The following SDC4 variants were observed in gnomAD, a reference collection of about 807,000 sequenced individuals.
SDC4 encodes syndecan 4.
Under a neutral mutation model 20.5 loss-of-function variants are expected in SDC4, and 17 were observed. The observed-to-expected ratio is 0.83, with a 90% CI of 0.57 to 1.25. SDC4 has a LOEUF of 1.25. SDC4 is among the 50% of genes most tolerant of loss of function. SDC4 has a pLI of 0.00. For synonymous variants in SDC4, 107 were observed against 105.3 expected (o/e 1.02, Z -0.10); for missense variants, 241 against 252.3 (o/e 0.96, Z 0.30).
In SDC4 at chr20:45,330,500, T is replaced by C. The variant is rs753918303; in HGVS notation, c.311A>G (p.Lys104Arg). Residue 104 changes from lysine (K) to arginine (R), a missense_variant, in exon 4 of 5, where the codon AAG becomes AGG. Coordinates refer to ENST00000372733, the MANE Select transcript of SDC4 (RefSeq NM_002999.4). The stretch of plus-strand genomic sequence containing the variant: ...GATAACCTCATTCTCCTCTAGTTTC[T>C]TGGGTTCGGTGGGGACTTGGCTCCC... ...GSGSQVPTEP[K>R]KLEENEVIPK... 1.5e-5 allele frequency: 25 copies of C among 1,614,086 alleles called. No homozygotes were observed. Among genetic ancestry groups the C allele is most frequent in the Non-Finnish European group, 2.0e-5 (24 of 1,180,044 alleles).
intron 1 of SDC4, among the ~76,000 whole-genome samples, chr20:45,347,787 C>G (rs1309426171): frequency 1.3e-5 from 2 of 152,096 alleles, no homozygotes; most frequent in Non-Finnish European, 2.9e-5. Flanking sequence ...GGACTTTGCC[C>G]TAAGTCACAA....
At chr20:45,338,373 C>CA (rs11480053) in intron 1 of SDC4, among the ~76,000 whole-genome samples, 13,216 of 152,126 alleles carry the variant, frequency 0.087, 1,926 homozygotes, top group African/African-American at 0.3. Context: ...GTAGGGGGGT[C>CA]AATCTAGCCG....
At chr20:45,336,585 A>G (rs1469295372) in intron 1 of SDC4, among the ~76,000 whole-genome samples, 1 of 152,110 alleles carries the variant, frequency 6.6e-6, no homozygotes, top group Non-Finnish European at 1.5e-5. Context: ...CAGCTGGCAG[A>G]TGGAAGAGCG....
intron 4 of SDC4, among the ~76,000 whole-genome samples, chr20:45,328,823 C>G (rs1481340111): frequency 2.6e-5 from 4 of 152,094 alleles, no homozygotes; most frequent in Admixed American, 2.6e-4. Flanking sequence ...GAAAAAGCAA[C>G]AAAAAAGTAC....
intron 1 of SDC4, among the ~76,000 whole-genome samples, chr20:45,342,769 T>TG (rs1987973153): frequency 1.3e-5 from 2 of 152,162 alleles, no homozygotes; most frequent in South Asian, 4.1e-4. Context: ...AGTGACCTTT[T>TG]GGGGAGTACT....
rs763072477 is a variant in SDC4, at chr20:45,333,084, T to A, written c.200-15A>T. On this transcript the variant is annotated splice_polypyrimidine_tract_variant and intron_variant, in intron 2 of 4. Transcript: ENST00000372733. ...TTCCAAGTCATCTGTAAGGTCAGAA[T>A]AGCTGTGTGAGTGAGGTCCATTACC... 1.3e-5 allele frequency: 21 copies of A among 1,613,834 alleles called. No homozygotes were observed. The South Asian group carries it at 2.2e-4, about 17-fold the overall frequency.
chr20:45,344,629 G>A (rs1988005051), intron 1 of SDC4, among the ~76,000 whole-genome samples: 2 of 152,184 alleles, frequency 1.3e-5, no homozygotes, highest in Non-Finnish European at 2.9e-5. Context: ...CCAAGTCCTT[G>A]GAAAAGCCCT....
At chr20:45,343,970 C>G (rs938784169) in intron 1 of SDC4, among the ~76,000 whole-genome samples, 1 of 152,208 alleles carries the variant, frequency 6.6e-6, no homozygotes, top group Non-Finnish European at 1.5e-5. Context: ...GGACTTCGCA[C>G]GTCTGGAGTT....
chr20:45,336,910 C>T (rs1354500944), intron 1 of SDC4, among the ~76,000 whole-genome samples: 2 of 152,030 alleles, frequency 1.3e-5, no homozygotes, highest in East Asian at 1.9e-4. Context: ...ATCTACTCTG[C>T]TGCCAGCACC....
rs1988057461 is a variant in SDC4, at chr20:45,347,960, C to T, written c.60+365G>A. On this transcript the variant is annotated intron_variant, in intron 1 of 4. Coordinates refer to ENST00000372733, the MANE Select transcript of SDC4 (RefSeq NM_002999.4). ...CCTAAAGCTGTCTGCTCTGGGCGCC[C>T]CGAGAGCGAGGAGGGGATTCAGCGC... 3.9e-5 allele frequency among the ~76,000 whole-genome samples: 6 copies of T among 152,238 alleles called. No homozygotes were observed. In the South Asian group the frequency reaches 1.2e-3, roughly 32 times the overall value.
intron 3 of SDC4, among the ~76,000 whole-genome samples, chr20:45,331,148 G>T (rs1172703260): frequency 1.3e-5 from 2 of 152,294 alleles, no homozygotes; most frequent in East Asian, 3.9e-4. Flanking sequence ...ACCACAGAAG[G>T]GATGAGACGG....
At chr20:45,338,333 C>G (rs960030460) in intron 1 of SDC4, among the ~76,000 whole-genome samples, 1 of 152,032 alleles carries the variant, frequency 6.6e-6, no homozygotes, top group African/African-American at 2.4e-5. Context: ...GGTCACCAGC[C>G]TGCCCCAGGC....
chr20:45,348,258 A>T, intron 1 of SDC4, 67 bp downstream of exon 1: 10 of 1,015,154 alleles, frequency 9.9e-6, no homozygotes, highest in Non-Finnish European at 1.3e-5. Context: ...CCACGCTCCG[A>T]CGAACAAAGG....
In SDC4 at chr20:45,327,122, T is replaced by C. The variant is rs900427716; in HGVS notation, c.*142A>G. ...CAGAACAGTAGAAGACAATGTCTCT[T>C]CTGAACACTTCAAAGGTAATCAGAG... On this transcript the variant is annotated 3_prime_UTR_variant, in exon 5 of 5. Transcript: ENST00000372733. The C allele has an allele frequency of 1.2e-6, 1 of 825,458 alleles. No individual in the cohort carries two copies. The highest frequency in any genetic ancestry group is 1.7e-5 in the African/African-American group (1 of 58,876). 51.1% of individuals were successfully genotyped at this position (825,458 alleles called of 1,614,324 possible).
chr20:45,340,097 C>T (rs571482432), intron 1 of SDC4, among the ~76,000 whole-genome samples: 18 of 152,260 alleles, frequency 1.2e-4, no homozygotes, highest in African/African-American at 4.1e-4. Flanking sequence ...AGCAAATCCA[C>T]AGGCAGCAGC....
At chr20:45,347,655 C>T (rs1422715415) in intron 1 of SDC4, among the ~76,000 whole-genome samples, 1 of 152,202 alleles carries the variant, frequency 6.6e-6, no homozygotes, top group Non-Finnish European at 1.5e-5. Flanking sequence ...CTAAACCATT[C>T]CTCTCCTCTG....
At chr20:45,332,381 G>A (rs369156316) in intron 3 of SDC4, among the ~76,000 whole-genome samples, 2 of 152,132 alleles carry the variant, frequency 1.3e-5, no homozygotes, top group South Asian at 2.1e-4. Flanking sequence ...GGCTGGTCTC[G>A]AACTCCTGAC....
intron 2 of SDC4, among the ~76,000 whole-genome samples, chr20:45,334,783 G>A (rs1044902763): frequency 1.6e-4 from 25 of 152,130 alleles, no homozygotes; most frequent in African/African-American, 4.8e-4. Context: ...CACCGTGCCC[G>A]GCCATAAAAT....
At chr20:45,342,013 C>T (rs1987959383) in intron 1 of SDC4, among the ~76,000 whole-genome samples, 1 of 152,206 alleles carries the variant, frequency 6.6e-6, no homozygotes, top group South Asian at 2.1e-4. Context: ...GCTCCGATTA[C>T]CGGTGGAGAC....
Sources: gnomAD v4.1 joint callset for allele counts (sites outside exome capture counted in the v4.1 genomes callset) on GRCh38, gnomAD v4.1.1 for gene constraint, MANE v1.5 for transcripts, NCBI Gene and HGNC (gene_info 2026-07-23, HGNC 2026-07-21) for gene names.